Variants in WDPCP observed in about 807,000 individuals in gnomAD.
WDPCP encodes the protein WD repeat-containing and planar cell polarity effector protein fritz homolog.
WDPCP carries 71 observed loss-of-function variants against 93.1 expected under a neutral mutation model. The observed-to-expected ratio is 0.76, with a 90% CI of 0.63 to 0.93. The LOEUF (loss-of-function observed/expected upper bound fraction) is 0.93. Ranked by LOEUF, WDPCP falls within the 40% of genes least tolerant of loss-of-function variation. WDPCP has a pLI of 0.00. For missense variants in WDPCP, 844 were observed against 887.4 expected, an observed-to-expected ratio of 0.95 and a Z score of 0.62; for synonymous variants, 315 against 315.0, an observed-to-expected ratio of 1.00 and a Z score of 0.00.
At chr2:63,165,198 G>A (rs981121650) in intron 15 of WDPCP, among the ~76,000 whole-genome samples, 40 of 152,210 alleles carry the variant, frequency 2.6e-4, no homozygotes, top group Admixed American at 2.4e-3. Flanking sequence ...TTTTTCTTAC[G>A]TAAAGTGAGT....
At position 63,622,893 on chromosome 2, in the gene WDPCP, C is replaced by T. The variant is rs1337730498; in HGVS notation, n.488+27766G>A. 1.1e-5 allele frequency: 15 copies of T among 1,420,050 alleles called. No individual in the cohort carries two copies. The East Asian group carries it at 1.9e-4, about 18-fold the overall frequency. 88.0% of individuals were successfully genotyped at this position (1,420,050 alleles called of 1,614,324 possible). ...TCAGGGGTGCGGAGCCTGGGAGGCA[C>T]GCGGGGGCCGGGCCAGGCCGGGGCT... On this transcript the variant is annotated intron_variant and non_coding_transcript_variant, in intron 3 of 4. Coordinates refer to the WDPCP transcript ENST00000467687.
At chr2:63,408,819 G>C (rs960627258) in intron 9 of WDPCP, among the ~76,000 whole-genome samples, 1 of 152,026 alleles carries the variant, frequency 6.6e-6, no homozygotes, top group Non-Finnish European at 1.5e-5. Context: ...AGCAGAAGCA[G>C]CCATAATCCT....
chr2:63,646,665 T>G (rs1314582305), intron 3 of WDPCP, among the ~76,000 whole-genome samples: 2 of 152,218 alleles, frequency 1.3e-5, no homozygotes. Context: ...AAGGATGTTT[T>G]CACCAGATAT....
chr2:63,560,437 C>T (rs554136140), intron 1 of WDPCP, among the ~76,000 whole-genome samples: 7 of 152,174 alleles, frequency 4.6e-5, no homozygotes, highest in Admixed American at 3.9e-4. Flanking sequence ...AGAAATAAGA[C>T]CACACATCTA....
intron 7 of WDPCP, chr2:63,437,868 G>T (rs757950887): frequency 1.3e-6 from 2 of 1,598,372 alleles, no homozygotes; most frequent in South Asian, 2.3e-5. Flanking sequence ...GCACCTGAAT[G>T]TAGAGACGAA....
chr2:63,340,002 G>A (rs555237414), intron 12 of WDPCP, among the ~76,000 whole-genome samples: 8 of 152,158 alleles, frequency 5.3e-5, no homozygotes, highest in African/African-American at 1.2e-4. Flanking sequence ...CATGTTTAGC[G>A]TCAGTCACTG....
chr2:63,577,003 A>C (rs916058981), intron 1 of WDPCP, among the ~76,000 whole-genome samples: 7 of 152,214 alleles, frequency 4.6e-5, no homozygotes, highest in Non-Finnish European at 5.9e-5. Flanking sequence ...TGCAGTTTCA[A>C]ACATTCTGAA....
At chr2:63,270,273 G>A (rs1682520674) in intron 13 of WDPCP, among the ~76,000 whole-genome samples, 1 of 152,122 alleles carries the variant, frequency 6.6e-6, no homozygotes, top group South Asian at 2.1e-4. Context: ...TTGGCTTGTT[G>A]TATATTCTCA....
chr2:63,190,248 C>A (rs1674939934), intron 14 of WDPCP, among the ~76,000 whole-genome samples: 1 of 151,582 alleles, frequency 6.6e-6, no homozygotes, highest in Admixed American at 6.6e-5. Flanking sequence ...GGCAACATGG[C>A]AAAACCCCAT....
intron 1 of WDPCP, among the ~76,000 whole-genome samples, chr2:63,826,413 C>T (rs981685503): frequency 1.3e-5 from 2 of 152,088 alleles, no homozygotes; most frequent in Non-Finnish European, 2.9e-5. Flanking sequence ...ATGGTGACAT[C>T]TTGTCACCAG....
At chr2:63,739,160 T>C (rs761552815) in intron 2 of WDPCP, among the ~76,000 whole-genome samples, 5 of 152,148 alleles carry the variant, frequency 3.3e-5, no homozygotes, top group Admixed American at 1.3e-4. Flanking sequence ...CCAATAGCTA[T>C]ATTTTCTGCT....
At chr2:63,601,572 T>C (rs1709419049) in intron 3 of WDPCP, among the ~76,000 whole-genome samples, 1 of 152,228 alleles carries the variant, frequency 6.6e-6, no homozygotes, top group Non-Finnish European at 1.5e-5. Flanking sequence ...TATGTATTAA[T>C]TTAGACTAAT....
rs181327953 is a variant in WDPCP at position 63,761,597 on chromosome 2, A to C, written n.308+52025T>G. ...CCAAAACTGAAGAACTTGGAGTCTC[A>C]TGTTCCAGGGCAGGAAACATCCAGC... On this transcript the variant is annotated intron_variant and non_coding_transcript_variant, in intron 2 of 4. Coordinates refer to the WDPCP transcript ENST00000467687. 2.3e-4 allele frequency among the ~76,000 whole-genome samples: 35 copies of C among 152,294 alleles called. No homozygotes were observed. The East Asian group carries it at 4.2e-3, about 18-fold the overall frequency.
upstream of WDPCP, among the ~76,000 whole-genome samples, chr2:63,829,112 T>C (rs967514829): frequency 6.6e-6 from 1 of 152,118 alleles, no homozygotes; most frequent in African/African-American, 2.4e-5. Flanking sequence ...GCCAAACAAC[T>C]GTCTTACAAT....
chr2:63,692,028 T>A (rs1668898018), intron 2 of WDPCP, among the ~76,000 whole-genome samples: 3 of 152,132 alleles, frequency 2.0e-5, no homozygotes, highest in Admixed American at 2.0e-4. Flanking sequence ...TTCTCCAGTA[T>A]ACTATTACAA....
intron 3 of WDPCP, among the ~76,000 whole-genome samples, chr2:63,623,403 C>T (rs1346911988): frequency 6.6e-6 from 1 of 151,898 alleles, no homozygotes; most frequent in Non-Finnish European, 1.5e-5. Context: ...TGGATAGAGT[C>T]AAGACCTGTC....
chr2:63,316,311 G>A (rs1441149210), intron 12 of WDPCP, among the ~76,000 whole-genome samples: 1 of 151,994 alleles, frequency 6.6e-6, no homozygotes, highest in Non-Finnish European at 1.5e-5. Context: ...TCAGGCAGGA[G>A]ATATAAAAAG....
intron 1 of WDPCP, among the ~76,000 whole-genome samples, chr2:63,541,971 T>C (rs1315173271): frequency 1.3e-5 from 2 of 152,184 alleles, no homozygotes; most frequent in African/African-American, 4.8e-5. Flanking sequence ...ATAATGTATA[T>C]GTACACATAT....
At chr2:63,260,355 A>C (rs1037576543) in intron 13 of WDPCP, among the ~76,000 whole-genome samples, 1 of 152,358 alleles carries the variant, frequency 6.6e-6, no homozygotes, top group South Asian at 2.1e-4. Context: ...GAATATGAAC[A>C]ACCAGTTTAC....
Sources: allele counts gnomAD v4.1 joint callset (sites outside exome capture counted in the v4.1 genomes callset), GRCh38; gene constraint gnomAD v4.1.1; transcripts MANE v1.5; gene names NCBI Gene and HGNC (gene_info 2026-07-23, HGNC 2026-07-21).